The following RAB6B variants were observed in gnomAD, a reference collection of about 807,000 sequenced individuals.
RAB6B encodes the protein ras-related protein Rab-6B.
RAB6B carries 7 observed loss-of-function variants against 31.2 expected under a neutral mutation model. The observed-to-expected ratio is 0.22, with a 90% CI of 0.13 to 0.42. The LOEUF (loss-of-function observed/expected upper bound fraction) is 0.42. Among genes scored for constraint, RAB6B ranks in the 10% least tolerant of loss-of-function variants. RAB6B has a pLI of 1.00. For synonymous variants in RAB6B, 105 were observed against 104.9 expected (o/e 1.00, Z -0.01); for missense variants, 149 against 280.6 (o/e 0.53, Z 3.35).
intron 5 of RAB6B, 55 bp downstream of exon 5, chr3:133,839,451 G>A: frequency 1.4e-6 from 2 of 1,427,612 alleles, no homozygotes; most frequent in South Asian, 2.3e-5. Context: ...CTGTCCAGGA[G>A]CAGTTACAGA....
intron 1 of RAB6B, among the ~76,000 whole-genome samples, chr3:133,884,169 A>C (rs72978309): frequency 0.013 from 2,047 of 152,364 alleles, 55 homozygotes; most frequent in African/African-American, 0.047. Context: ...ACACTGGCAA[A>C]GGAATACCAA....
chr3:133,828,681 A>G lies in RAB6B; in HGVS notation c.*107T>C. 3.4e-6 allele frequency: 4 copies of G among 1,160,402 alleles called. No homozygotes were observed. The highest frequency in any genetic ancestry group is 1.2e-5 in the South Asian group (1 of 81,462). 71.9% of individuals were successfully genotyped at this position (1,160,402 alleles called of 1,614,324 possible). ...TCCTAAAGACAGAGAGAAAAGAAAA[A>G]TCCTCCCATCTTGATAACTCGGTTC... On this transcript the variant is annotated 3_prime_UTR_variant, in exon 8 of 8. Coordinates refer to ENST00000285208, the MANE Select transcript of RAB6B (RefSeq NM_016577.4).
chr3:133,831,082 C>T (rs969191280), intron 7 of RAB6B, among the ~76,000 whole-genome samples: 1 of 152,168 alleles, frequency 6.6e-6, no homozygotes, highest in Non-Finnish European at 1.5e-5. Flanking sequence ...AAGTCACCTA[C>T]GACCACTAAA....
At chr3:133,868,484 C>G (rs952556052) in intron 1 of RAB6B, among the ~76,000 whole-genome samples, 5 of 152,232 alleles carry the variant, frequency 3.3e-5, no homozygotes, top group African/African-American at 1.2e-4. Flanking sequence ...CTCCTGCCAG[C>G]TCTGTTCTCA....
intron 7 of RAB6B, among the ~76,000 whole-genome samples, chr3:133,832,709 G>A (rs1003913038): frequency 2.6e-5 from 4 of 152,228 alleles, no homozygotes; most frequent in Non-Finnish European, 5.9e-5. Context: ...CAGCAAGCTG[G>A]CTCCTGGGCA....
At chr3:133,865,568 A>G (rs1936227333) in intron 1 of RAB6B, among the ~76,000 whole-genome samples, 2 of 152,174 alleles carry the variant, frequency 1.3e-5, no homozygotes, top group African/African-American at 4.8e-5. Flanking sequence ...CTGTCCTATC[A>G]TGTCTCTGCC....
At chr3:133,836,020 C>G (rs144323200) in intron 6 of RAB6B, among the ~76,000 whole-genome samples, 2,301 of 152,328 alleles carry the variant, frequency 0.015, 28 homozygotes, top group Non-Finnish European at 0.026. Flanking sequence ...ATTGCAGGAA[C>G]TGGGTGGGCT....
chr3:133,829,178 G>A (rs1935619395), intron 7 of RAB6B, among the ~76,000 whole-genome samples: 1 of 152,150 alleles, frequency 6.6e-6, no homozygotes, highest in Non-Finnish European at 1.5e-5. Context: ...TCCCAGCCCT[G>A]GCCTCAGCCC....
At chr3:133,845,353 C>T (rs1935894583) in intron 2 of RAB6B, among the ~76,000 whole-genome samples, 1 of 152,170 alleles carries the variant, frequency 6.6e-6, no homozygotes, top group Admixed American at 6.5e-5. Flanking sequence ...AAGGGAGCAC[C>T]CTGGCTCCCC....
At chr3:133,839,676 G>C in intron 4 of RAB6B, 59 bp from the exon 5 acceptor site, 1 of 1,298,242 alleles carries the variant, frequency 7.7e-7, no homozygotes, top group Non-Finnish European at 1.1e-6. Flanking sequence ...TGGGAGATGG[G>C]AAGGGGAGGT....
At chr3:133,851,188 A>G (rs1935979360) in intron 2 of RAB6B, among the ~76,000 whole-genome samples, 1 of 152,254 alleles carries the variant, frequency 6.6e-6, no homozygotes, top group Non-Finnish European at 1.5e-5. Context: ...ACAGGAAAAT[A>G]TACTAATGGA....
chr3:133,886,170 C>T (rs556564389), intron 1 of RAB6B, among the ~76,000 whole-genome samples: 24 of 152,334 alleles, frequency 1.6e-4, no homozygotes, highest in African/African-American at 4.8e-4. Context: ...ACTGCCTGGG[C>T]ATGGTCAGGC....
intron 2 of RAB6B, among the ~76,000 whole-genome samples, chr3:133,855,767 T>C (rs1036173946): frequency 4.6e-5 from 7 of 152,190 alleles, no homozygotes; most frequent in Non-Finnish European, 1.0e-4. Flanking sequence ...CTGAGTCCAT[T>C]CCACTTATTA....
chr3:133,826,250 A>G lies in RAB6B; in HGVS notation c.*2538T>C, dbSNP rs115477157. 1,020 of 152,330 alleles carry G rather than the reference A, an allele frequency of 6.7e-3. 6 individuals are homozygous for G. The highest frequency in any genetic ancestry group is 0.011 in the Non-Finnish European group (715 of 68,050). 9.4% of individuals were successfully genotyped at this position (152,330 alleles called of 1,614,324 possible). On this transcript the variant is annotated 3_prime_UTR_variant, in exon 8 of 8. Coordinates refer to ENST00000285208, the MANE Select transcript of RAB6B (RefSeq NM_016577.4). Reference sequence around the variant, plus strand: ...AAAGAGAGGATGTTGTGTGCATGCTAGGAAAGGCAGGACTCACTAAGGCCA... The same window carrying G: ...AAAGAGAGGATGTTGTGTGCATGCTGGGAAAGGCAGGACTCACTAAGGCCA...
intron 1 of RAB6B, among the ~76,000 whole-genome samples, chr3:133,874,600 G>T (rs1936366977): frequency 1.3e-5 from 2 of 152,104 alleles, no homozygotes; most frequent in Admixed American, 1.3e-4. Context: ...GTACATTTAG[G>T]CTACACTAAA....
At chr3:133,879,048 T>A (rs1414906924) in intron 1 of RAB6B, among the ~76,000 whole-genome samples, 1 of 152,178 alleles carries the variant, frequency 6.6e-6, no homozygotes, top group East Asian at 1.9e-4. Context: ...TCTTGTGTGA[T>A]CTTGGGTTAG....
chr3:133,827,805 C>T lies in RAB6B; in HGVS notation c.*983G>A. The T allele has an allele frequency of 2.5e-6, 1 of 394,444 alleles. No homozygotes were observed. Among genetic ancestry groups the T allele is most frequent in the Non-Finnish European group, 5.1e-6 (1 of 195,088 alleles). The allele number at this position is 394,444 out of a possible 1,614,324, so 24.4% of individuals were successfully genotyped here. On this transcript the variant is annotated 3_prime_UTR_variant, in exon 8 of 8. Transcript: ENST00000285208. ...ATCAACTCCAGGTGGTCCAGCTTCC[C>T]TGACATCCAGGAGGAAGGCTTCAGG...
At chr3:133,848,828 A>G (rs1935940192) in intron 2 of RAB6B, among the ~76,000 whole-genome samples, 1 of 152,086 alleles carries the variant, frequency 6.6e-6, no homozygotes, top group Non-Finnish European at 1.5e-5. Context: ...TTCAATTTCA[A>G]TATGAGTTTT....
chr3:133,857,439 A>C (rs1017883019), intron 2 of RAB6B, among the ~76,000 whole-genome samples: 1 of 151,530 alleles, frequency 6.6e-6, no homozygotes, highest in African/African-American at 2.4e-5. Context: ...AAAAAAAAAA[A>C]AAAAAAAAAG....
Sources: allele counts gnomAD v4.1 joint callset (sites outside exome capture counted in the v4.1 genomes callset), GRCh38; gene constraint gnomAD v4.1.1; transcripts MANE v1.5; gene names NCBI Gene and HGNC (gene_info 2026-07-23, HGNC 2026-07-21).